Variants in ARID1B observed in about 807,000 individuals in gnomAD.
ARID1B encodes AT-rich interaction domain 1B, also known as AT-rich interactive domain-containing protein 1B.
A neutral mutation model predicts 212.3 loss-of-function variants in ARID1B; 30 were observed. The ratio of observed to expected loss-of-function variants is 0.14; its 90% CI spans 0.11 to 0.19. The LOEUF is 0.19. Ranked by LOEUF, ARID1B falls within the 10% of genes least tolerant of loss-of-function variation. The probability of loss-of-function intolerance (pLI) is 1.00; values close to 1 mark genes in which losing one functional copy is unlikely to be tolerated. For missense variants in ARID1B, 2,891 were observed against 3,204.0 expected (o/e 0.90, Z 2.36); for synonymous variants, 1,402 against 1,301.7 (o/e 1.08, Z -1.66).
In ARID1B at chr6:156,853,060, T is replaced by G. The variant is rs575505448; in HGVS notation, c.1986+23639T>G. Among the ~76,000 whole-genome samples, 43 of 152,334 alleles carry G rather than the reference T, an allele frequency of 2.8e-4. No homozygotes were observed. The South Asian group carries it at 8.9e-3, about 32-fold the overall frequency. Reference sequence around the variant, plus strand: ...ATCATTTGCACATACAGTGATCGGTTTGACTGGTGGAATTACTAAGACCAT... The same window carrying G: ...ATCATTTGCACATACAGTGATCGGTGTGACTGGTGGAATTACTAAGACCAT... On this transcript the variant is annotated intron_variant, in intron 2 of 19. Transcript: ENST00000636930.
chr6:156,857,294 C>A lies in ARID1B; in HGVS notation c.1986+27873C>A, dbSNP rs567175256. 4.1e-4 allele frequency among the ~76,000 whole-genome samples: 63 copies of A among 152,242 alleles called. No individual in the cohort carries two copies. The South Asian group carries it at 7.9e-3, about 19-fold the overall frequency. On this transcript the variant is annotated intron_variant, in intron 2 of 19. Transcript: ENST00000636930. ...AAACAATATTCTTTGATTCTGTCACCCGCAATTTCAAGAGAGTGTCAGTGC... is the reference window on the plus strand; with the variant it reads ...AAACAATATTCTTTGATTCTGTCACACGCAATTTCAAGAGAGTGTCAGTGC...
At chr6:156,993,958 A>G (rs539262347) in intron 4 of ARID1B, among the ~76,000 whole-genome samples, 68 of 152,368 alleles carry the variant, frequency 4.5e-4, no homozygotes, top group African/African-American at 1.6e-3. Flanking sequence ...TTATAAAATA[A>G]ATACTTATTG....
At chr6:156,911,338 G>GTTTTTTTTTTTTTT (rs57374747) in intron 3 of ARID1B, among the ~76,000 whole-genome samples, 1 of 105,372 alleles carries the variant, frequency 9.5e-6, no homozygotes, top group Non-Finnish European at 2.0e-5. Context: ...TAAATAATTA[G>GTTTTTTTTTTTTTT]TTTTTTTTTT....
chr6:156,918,805 AGCCTGCCTGCGCTCGCT>A (rs1301743788), intron 3 of ARID1B, among the ~76,000 whole-genome samples: 1 of 152,194 alleles, frequency 6.6e-6, no homozygotes, highest in Non-Finnish European at 1.5e-5. Context: ...AGGAGCCACC[AGCCTGCCTGCGCTCGCT>A]CTGGCAGGAT....
chr6:156,889,509 A>C (rs142193745), intron 2 of ARID1B, among the ~76,000 whole-genome samples: 7 of 152,358 alleles, frequency 4.6e-5, no homozygotes, highest in African/African-American at 1.4e-4. Flanking sequence ...GAATGCCTGC[A>C]TTTTATGAAT....
rs1181438273 is a variant in ARID1B, at chr6:156,897,258, C to CTTATTATTATTATTA, written c.1987-4116_1987-4115insATTATTATTATTATT. On this transcript the variant is annotated intron_variant, in intron 2 of 19. Coordinates refer to ENST00000636930, the MANE Select transcript of ARID1B (RefSeq NM_001374828.1). ...TCTTCTTCTTCTTCTTCTTCTTCTT[C>CTTATTATTATTATTA]TTCTTCTTATTATTATTATTATTAT... 3.3e-3 allele frequency among the ~76,000 whole-genome samples: 285 copies of CTTATTATTATTATTA among 87,056 alleles called. 2 individuals carry two copies. The highest frequency in any genetic ancestry group is 5.8e-3 in the Admixed American group (46 of 7,928). The allele number at this position is 87,056 out of a possible 152,430, so 57.1% of individuals were successfully genotyped here. A position where few individuals can be genotyped will look rare whatever the true frequency, so the allele number is the denominator to read the frequency against.
At chr6:157,144,331 C>T (rs374969429) in intron 7 of ARID1B, among the ~76,000 whole-genome samples, 21 of 152,242 alleles carry the variant, frequency 1.4e-4, no homozygotes, top group African/African-American at 4.6e-4. Context: ...TTTTCTAAAA[C>T]AAGACTAAAA....
intron 1 of ARID1B, among the ~76,000 whole-genome samples, chr6:156,802,349 T>C (rs1268124251): frequency 6.6e-6 from 1 of 152,254 alleles, no homozygotes; most frequent in Non-Finnish European, 1.5e-5. Flanking sequence ...ATGTTAGTTA[T>C]TTATGTTCAT....
At chr6:157,181,386 G>A (rs1792522531) in intron 12 of ARID1B, among the ~76,000 whole-genome samples, 1 of 152,160 alleles carries the variant, frequency 6.6e-6, no homozygotes, top group Non-Finnish European at 1.5e-5. Context: ...CGTGACCTCA[G>A]CAGGTCATGT....
At chr6:157,183,268 A>G (rs905565943) in intron 12 of ARID1B, among the ~76,000 whole-genome samples, 1 of 152,168 alleles carries the variant, frequency 6.6e-6, no homozygotes, top group African/African-American at 2.4e-5. Context: ...TTCAGTGCCA[A>G]AAGAGGGCGG....
At chr6:156,828,432 T>A (rs981598140) in intron 1 of ARID1B, among the ~76,000 whole-genome samples, 2 of 152,216 alleles carry the variant, frequency 1.3e-5, no homozygotes, top group African/African-American at 4.8e-5. Context: ...TGCTGCCTGC[T>A]ACTGTAGCAC....
intron 4 of ARID1B, among the ~76,000 whole-genome samples, chr6:157,060,064 G>A (rs1783242663): frequency 6.6e-6 from 1 of 152,114 alleles, no homozygotes; most frequent in African/African-American, 2.4e-5. Flanking sequence ...CAATTACCTG[G>A]ACACCGAGGC....
At chr6:157,144,316 G>A (rs1383741485) in intron 7 of ARID1B, among the ~76,000 whole-genome samples, 1 of 152,132 alleles carries the variant, frequency 6.6e-6, no homozygotes, top group African/African-American at 2.4e-5. Flanking sequence ...TAGTCTAAAC[G>A]CTTGTTTTCT....
intron 4 of ARID1B, among the ~76,000 whole-genome samples, chr6:156,968,649 C>T (rs1776706428): frequency 2.0e-5 from 3 of 152,200 alleles, no homozygotes; most frequent in Admixed American, 2.0e-4. Context: ...ATGCTCATCA[C>T]CTTCAGTGGT....
chr6:157,005,434 G>A (rs1474914738), intron 4 of ARID1B, among the ~76,000 whole-genome samples: 2 of 152,154 alleles, frequency 1.3e-5, no homozygotes, highest in Non-Finnish European at 2.9e-5. Flanking sequence ...GATTACAGGC[G>A]TGAGTCACCG....
chr6:156,820,402 G>T (rs771027247), intron 1 of ARID1B, among the ~76,000 whole-genome samples: 1 of 152,138 alleles, frequency 6.6e-6, no homozygotes, highest in African/African-American at 2.4e-5. Flanking sequence ...CTAAGTGCTA[G>T]GTATGCAAAG....
intron 4 of ARID1B, among the ~76,000 whole-genome samples, chr6:157,061,708 A>G (rs1292726098): frequency 6.6e-6 from 1 of 152,186 alleles, no homozygotes; most frequent in Non-Finnish European, 1.5e-5. Flanking sequence ...CTGAGTTCCC[A>G]TATTTTATCT....
intron 1 of ARID1B, among the ~76,000 whole-genome samples, chr6:156,805,704 T>TG: frequency 6.6e-6 from 1 of 152,214 alleles, no homozygotes; most frequent in East Asian, 1.9e-4. Context: ...TATTTAATTT[T>TG]ATTTTTTTTT....
At chr6:156,859,017 G>A (rs1785139819) in intron 2 of ARID1B, among the ~76,000 whole-genome samples, 1 of 152,110 alleles carries the variant, frequency 6.6e-6, no homozygotes, top group African/African-American at 2.4e-5. Flanking sequence ...TATACACTTA[G>A]GGTACACTAG....
Sources: gnomAD v4.1 joint callset for allele counts (sites outside exome capture counted in the v4.1 genomes callset) on GRCh38, gnomAD v4.1.1 for gene constraint, MANE v1.5 for transcripts, NCBI Gene and HGNC (gene_info 2026-07-23, HGNC 2026-07-21) for gene names.